SUSD2: variants seen among roughly 807,000 people sequenced by gnomAD.
The protein encoded by SUSD2 is sushi domain-containing protein 2.
In SUSD2, 86 loss-of-function variants were observed where a neutral mutation model predicts 93.8. The observed-to-expected ratio is 0.92, with a 90% CI of 0.77 to 1.10. The LOEUF (loss-of-function observed/expected upper bound fraction) is 1.10, where lower values mean the gene tolerates loss of function less well. SUSD2 is among the 50% of genes least tolerant of loss of function. The pLI, the probability that SUSD2 is intolerant of heterozygous loss-of-function variation, is 0.00. For missense variants in SUSD2, 1,060 were observed against 1,137.0 expected, an observed-to-expected ratio of 0.93 and a Z score of 0.97; for synonymous variants, 483 against 485.0, an observed-to-expected ratio of 1.00 and a Z score of 0.05.
At chr22:24,187,178 C>G in intron 10 of SUSD2, 24 bp from the exon 11 acceptor site, 1 of 1,606,492 alleles carries the variant, frequency 6.2e-7, no homozygotes, top group Non-Finnish European at 8.5e-7. Context: ...GCGGGTGACC[C>G]TAATGCATCC....
chr22:24,188,766 T>C lies in SUSD2; in HGVS notation c.*330T>C, dbSNP rs895009417. ...CCTCAGATTCCAATAGCTCACTCCCTAGAGCCTGACGCCGGGGCCCCTGAC... is the reference window on the plus strand; with the variant it reads ...CCTCAGATTCCAATAGCTCACTCCCCAGAGCCTGACGCCGGGGCCCCTGAC... On this transcript the variant is annotated 3_prime_UTR_variant, in exon 15 of 15. Transcript: ENST00000358321. The surrounding 1 kb of genome is among the most constrained non-coding windows in gnomAD (Gnocchi z 4.7). 1 of 284,322 alleles carries C rather than the reference T, an allele frequency of 3.5e-6. No individual in the cohort carries two copies. The highest frequency in any genetic ancestry group is 6.7e-6 in the Non-Finnish European group (1 of 149,004). 17.6% of individuals were successfully genotyped at this position (284,322 alleles called of 1,614,324 possible). A position where few individuals can be genotyped will look rare whatever the true frequency, so the allele number is the denominator to read the frequency against.
chr22:24,184,077 G>A, intron 3 of SUSD2, 59 bp from the exon 4 acceptor site: 1 of 1,571,242 alleles, frequency 6.4e-7, no homozygotes, highest in South Asian at 1.1e-5. Context: ...AAGCCTCAGG[G>A]CCTCCTCCCT....
In SUSD2 at chr22:24,187,985, C is replaced by T. The variant is rs149830913; in HGVS notation, c.2191C>T (p.Pro731Ser). The change falls in exon 13 of 15, where the codon CCT (proline) becomes TCT (serine). Residue 731 changes from proline (P) to serine (S), a missense_variant. This residue lies in a region of SUSD2 where 973 missense variants were observed against 1,005.3 expected (regional missense o/e 0.97). Transcript: ENST00000358321. ...GGTGTCCTGTGGCTGGCTGGCCCCA[C>T]CTCCCAACGGACAAAAGGAGGGCAA... ...PVVSCGWLAP[P>S]PNGQKEGNRY... 9.7e-4 allele frequency: 1,557 copies of T among 1,612,880 alleles called. 1 individual carries two copies. The highest frequency in any genetic ancestry group is 1.2e-3 in the Non-Finnish European group (1,399 of 1,179,970).
At chr22:24,185,429 A>G (rs746709685) in intron 6 of SUSD2, 57 bp from the exon 7 acceptor site, 78 of 1,541,744 alleles carry the variant, frequency 5.1e-5, no homozygotes, top group Non-Finnish European at 6.1e-5. Context: ...GGTTGGCCTC[A>G]GGGAGGGGAT....
intron 8 of SUSD2, 38 bp downstream of exon 8, chr22:24,185,967 C>CGGGCT (rs763823849): frequency 6.3e-5 from 99 of 1,573,892 alleles, no homozygotes; most frequent in Non-Finnish European, 8.1e-5. Flanking sequence ...TGGGAAAGAT[C>CGGGCT]GGGCTGGGCT....
At position 24,187,281 on chromosome 22, in the gene SUSD2, G is replaced by T; in HGVS notation, c.1722G>T (p.Gln574His). 1.2e-6 allele frequency: 2 copies of T among 1,614,098 alleles called. No homozygotes were observed. Among genetic ancestry groups the T allele is most frequent in the Non-Finnish European group, 1.7e-6 (2 of 1,180,020 alleles). Residue 574 changes from glutamine to histidine, a missense_variant, in exon 11 of 15, where the codon CAG becomes CAT. Coordinates refer to ENST00000358321, the MANE Select transcript of SUSD2 (RefSeq NM_019601.4). ...ASGAGLEVSVQGPFLSVSVLL... is the reference protein window; with the variant it reads ...ASGAGLEVSVHGPFLSVSVLL... ...GGGCCGGCCTGGAGGTCAGCGTGCA[G>T]GGCCCGTTCCTGAGTGTGTCCGTCC...
intron 10 of SUSD2, 31 bp from the exon 11 acceptor site, chr22:24,187,171 G>A (rs2047372408): frequency 6.2e-7 from 1 of 1,600,468 alleles, no homozygotes. Flanking sequence ...GCTCACAGCG[G>A]GTGACCCTAA....
rs747428009 is a variant in SUSD2 at position 24,183,188 on chromosome 22, G to A, written c.208G>A (p.Gly70Arg). The part of the protein sequence containing the change: ...DFCLEILPYS[G>R]SMMGGKDFVV... ...CTGCCTGGAGATATTGCCCTACTCA[G>A]GATCCATGATGGGCGGCAAGGACTT... is the stretch of plus-strand genomic sequence containing the variant. Residue 70 changes from glycine (G) to arginine (R), a missense_variant, in exon 2 of 15, where the codon GGA becomes AGA. Physicochemically the swap from Gly to Arg is moderately radical, Grantham distance 125. Around this residue, in one of 2 missense-constraint regions of SUSD2, gnomAD observed 87 missense variants for 131.6 expected, o/e 0.66. Coordinates refer to ENST00000358321, the MANE Select transcript of SUSD2 (RefSeq NM_019601.4). 2 of 1,614,008 alleles carry A rather than the reference G, an allele frequency of 1.2e-6. No individual in the cohort carries two copies. The highest frequency in any genetic ancestry group is 8.5e-7 in the Non-Finnish European group (1 of 1,179,878).
Position 24,187,849 on chromosome 22 carries a change from G to A in SUSD2, c.2164+6G>A, listed in dbSNP as rs1382919775. 3 of 1,608,872 alleles carry A rather than the reference G, an allele frequency of 1.9e-6. No individual in the cohort carries two copies. Among genetic ancestry groups the A allele is most frequent in the Admixed American group, 3.3e-5 (2 of 59,890 alleles). The stretch of plus-strand genomic sequence containing the variant: ...CATGCAGAGCCTGCAGCCAGGTGAG[G>A]GCGGGCAGGTGGGGGTGGGCGGGGA... On this transcript the variant is annotated splice_donor_region_variant and intron_variant, in intron 12 of 14. Transcript: ENST00000358321.
intron 1 of SUSD2, among the ~76,000 whole-genome samples, chr22:24,182,195 A>T (rs2047329686): frequency 1.3e-5 from 2 of 152,262 alleles, no homozygotes; most frequent in East Asian, 1.9e-4. Context: ...GCCTCTTTTG[A>T]TGGGGGATGG....
chr22:24,184,730 G>A (rs1291264612), intron 4 of SUSD2, 36 bp from the exon 5 acceptor site: 8 of 1,527,118 alleles, frequency 5.2e-6, no homozygotes, highest in Non-Finnish European at 7.0e-6. Flanking sequence ...AGGCCTCGAA[G>A]GAACCCCAGG....
intron 9 of SUSD2, 26 bp downstream of exon 9, chr22:24,186,185 T>C: frequency 8.1e-6 from 13 of 1,608,068 alleles, no homozygotes; most frequent in Non-Finnish European, 1.0e-5. Context: ...GGGGCTGCTC[T>C]GGTTGGCATG....
Position 24,188,374 on chromosome 22 carries a change from G to T in SUSD2, c.2445-38G>T. The T allele has an allele frequency of 6.2e-7, 1 of 1,610,928 alleles. No individual in the cohort carries two copies. On this transcript the variant is annotated intron_variant, in intron 14 of 14. Transcript: ENST00000358321. The surrounding 1 kb of genome is among the most constrained non-coding windows in gnomAD (Gnocchi z 4.7). Reference sequence around the variant, plus strand: ...CCCAAGACCCCGAGACAGCCGGTGGGACCACCGAGGCTACTTCTAACTGCG... The same window carrying T: ...CCCAAGACCCCGAGACAGCCGGTGGTACCACCGAGGCTACTTCTAACTGCG...
At chr22:24,183,471 C>T in intron 2 of SUSD2, 24 bp from the exon 3 acceptor site, 2 of 1,601,878 alleles carry the variant, frequency 1.2e-6, no homozygotes, top group South Asian at 2.2e-5. Context: ...GACCCAGCCC[C>T]TCCCACCACC....
chr22:24,183,854 C>T, intron 3 of SUSD2: 1 of 666,374 alleles, frequency 1.5e-6, no homozygotes, highest in South Asian at 1.9e-5. Flanking sequence ...GTGGGAGCTG[C>T]AGGGGTCCCT....
chr22:24,187,847 A>C lies in SUSD2; in HGVS notation c.2164+4A>C. The C allele has an allele frequency of 9.1e-7, 1 of 1,101,622 alleles. No individual in the cohort carries two copies. Among genetic ancestry groups the C allele is most frequent in the Non-Finnish European group, 1.3e-6 (1 of 772,500 alleles). 68.2% of individuals were successfully genotyped at this position (1,101,622 alleles called of 1,614,324 possible). A position where few individuals can be genotyped will look rare whatever the true frequency, so the allele number is the denominator to read the frequency against. On this transcript the variant is annotated splice_donor_region_variant and intron_variant, in intron 12 of 14. Coordinates refer to ENST00000358321, the MANE Select transcript of SUSD2 (RefSeq NM_019601.4). ...CGCATGCAGAGCCTGCAGCCAGGTG[A>C]GGGCGGGCAGGTGGGGGTGGGCGGG...
chr22:24,187,704 G>A lies in SUSD2; in HGVS notation c.2025G>A (p.Leu675=), dbSNP rs1432731301. ...GTGAGACCACCCTCAACCCCAGCCT[G>A]GCACAAGAGGCAGCCAAACTATGTG... ...FPSETTLNPS[L]AQEAAKLCGD... is the part of the protein sequence containing the mutation. The change falls in exon 12 of 15, where the codon CTG becomes CTA. Residue 675 remains leucine, a synonymous_variant. Transcript: ENST00000358321. The A allele has an allele frequency of 6.2e-7, 1 of 1,614,080 alleles. No individual in the cohort carries two copies. Among genetic ancestry groups the A allele is most frequent in the African/African-American group, 1.3e-5 (1 of 75,048 alleles).
At chr22:24,185,048 T>C in intron 5 of SUSD2, 46 bp from the exon 6 acceptor site, 1 of 1,610,008 alleles carries the variant, frequency 6.2e-7, no homozygotes, top group Non-Finnish European at 8.5e-7. Flanking sequence ...GGGGCGACCA[T>C]GGGGTGGTGT....
rs200827889 is a variant in SUSD2 at position 24,188,059 on chromosome 22, C to T, written c.2265C>T (p.Tyr755=). The change falls in exon 13 of 15, where the codon TAC becomes TAT. Residue 755 remains tyrosine, a synonymous_variant. Coordinates refer to ENST00000358321, the MANE Select transcript of SUSD2 (RefSeq NM_019601.4). This position sits in a 1 kb window ranked among gnomAD's most constrained non-coding sequence, Gnocchi z 4.7. ...TCTACTTCCACTGTGACAACGGCTA[C>T]AGCCTGGCCGGGGCAGAGACCAGCA... The part of the protein sequence containing the change: ...STIYFHCDNG[Y]SLAGAETSTC... 17 of 1,611,506 alleles carry T rather than the reference C, an allele frequency of 1.1e-5. No individual in the cohort carries two copies. The highest frequency in any genetic ancestry group is 1.4e-5 in the Non-Finnish European group (17 of 1,179,626).
Sources: allele counts gnomAD v4.1 joint callset (sites outside exome capture counted in the v4.1 genomes callset), GRCh38; gene constraint gnomAD v4.1.1; regional missense constraint gnomAD v4.1.1; non-coding constraint Gnocchi (gnomAD v3.1); transcripts MANE v1.5; gene names NCBI Gene and HGNC (gene_info 2026-07-23, HGNC 2026-07-21).